Variants in CACNB2 observed in about 807,000 individuals in gnomAD.
CACNB2 encodes the protein voltage-dependent L-type calcium channel subunit beta-2.
Under a neutral mutation model 73.3 loss-of-function variants are expected in CACNB2, and 42 were observed. The observed-to-expected ratio is 0.57, with a 90% CI of 0.45 to 0.74. The LOEUF (loss-of-function observed/expected upper bound fraction) is 0.74. Ranked by LOEUF, CACNB2 falls within the 30% of genes least tolerant of loss-of-function variation. The probability of loss-of-function intolerance (pLI) is 0.00; values close to 1 mark genes in which losing one functional copy is unlikely to be tolerated. For synonymous variants in CACNB2, 348 were observed against 310.3 expected, an observed-to-expected ratio of 1.12 and a Z score of -1.28; for missense variants, 940 against 853.0, an observed-to-expected ratio of 1.10 and a Z score of -1.27.
Position 18,514,091 on chromosome 10 carries a change from T to G in CACNB2, c.671-145T>G, listed in dbSNP as rs1038990270. 6 of 726,730 alleles carry G rather than the reference T, an allele frequency of 8.3e-6. No individual in the cohort carries two copies. The African/African-American group carries it at 1.7e-4, about 21-fold the overall frequency. 45.0% of individuals were successfully genotyped at this position (726,730 alleles called of 1,614,324 possible). A position where few individuals can be genotyped will look rare whatever the true frequency, so the allele number is the denominator to read the frequency against. On this transcript the variant is annotated intron_variant, in intron 6 of 13. Transcript: ENST00000324631. Reference sequence around the variant, plus strand: ...CCTTGCATTCTTAATGTGCCTTACCTTTAAATTTAATTTTCTTGCGTACTG... The same window carrying G: ...CCTTGCATTCTTAATGTGCCTTACCGTTAAATTTAATTTTCTTGCGTACTG...
At chr10:18,461,261 A>G (rs1025546863) in intron 3 of CACNB2, among the ~76,000 whole-genome samples, 9 of 152,154 alleles carry the variant, frequency 5.9e-5, no homozygotes, top group African/African-American at 1.9e-4. Flanking sequence ...ATTACACACA[A>G]TTCTTTCGAT....
chr10:18,305,426 T>G, intron 2 of CACNB2, among the ~76,000 whole-genome samples: 1 of 152,188 alleles, frequency 6.6e-6, no homozygotes, highest in Non-Finnish European at 1.5e-5. Flanking sequence ...GAGATTTGGC[T>G]AAGTATGACA....
At chr10:18,432,027 A>G (rs1478756900) in intron 3 of CACNB2, among the ~76,000 whole-genome samples, 2 of 152,122 alleles carry the variant, frequency 1.3e-5, no homozygotes, top group South Asian at 2.1e-4. Context: ...TCTCCCAAAG[A>G]GCTGGGATTA....
At chr10:18,157,594 C>G (rs1564302740) in intron 2 of CACNB2, among the ~76,000 whole-genome samples, 1 of 152,178 alleles carries the variant, frequency 6.6e-6, no homozygotes, top group Non-Finnish European at 1.5e-5. Flanking sequence ...TAAGTTCTGT[C>G]TCCCCGTTTC....
chr10:18,367,533 C>T (rs530190231), intron 2 of CACNB2, among the ~76,000 whole-genome samples: 2 of 152,138 alleles, frequency 1.3e-5, no homozygotes, highest in African/African-American at 4.8e-5. Context: ...TTTGTAAATA[C>T]TTAGTAAACT....
chr10:18,360,581 A>T (rs1280580354), intron 2 of CACNB2, among the ~76,000 whole-genome samples: 2 of 152,146 alleles, frequency 1.3e-5, no homozygotes, highest in African/African-American at 2.4e-5. Context: ...CTTATCACTC[A>T]CAAGAGTCCT....
At chr10:18,200,786 C>T (rs1313840909) in intron 2 of CACNB2, among the ~76,000 whole-genome samples, 1 of 152,170 alleles carries the variant, frequency 6.6e-6, no homozygotes, top group African/African-American at 2.4e-5. Context: ...CACTTGCCCC[C>T]ATTTCTTAAG....
chr10:18,345,815 C>T (rs1046220982), intron 2 of CACNB2, among the ~76,000 whole-genome samples: 1 of 152,170 alleles, frequency 6.6e-6, no homozygotes, highest in Admixed American at 6.5e-5. Flanking sequence ...ACCTCAGTTT[C>T]GGAATGTGGA....
chr10:18,314,271 A>T (rs2040070539), intron 2 of CACNB2, among the ~76,000 whole-genome samples: 1 of 152,236 alleles, frequency 6.6e-6, no homozygotes, highest in Admixed American at 6.5e-5. Flanking sequence ...CTGTATAATT[A>T]ATCCACCTAT....
At chr10:18,286,517 CAAAAAAAAAAAAAAAAAAAAAAAAA>C (rs770589594) in intron 2 of CACNB2, among the ~76,000 whole-genome samples, 25 of 57,358 alleles carry the variant, frequency 4.4e-4, no homozygotes, top group African/African-American at 1.4e-3. Context: ...GATTCTGTCT[CAAAAAAAAAAAAAAAAAAAAAAAAA>C]AAAAAAAAAG....
At position 18,251,992 on chromosome 10, in the gene CACNB2, T is replaced by C. The variant is rs148299635; in HGVS notation, c.213+101017T>C. ...CCAGGGATAAAGAGTAATAGTCTTC[T>C]TCATAATTGATATGAGGATTAAAGG... On this transcript the variant is annotated intron_variant, in intron 2 of 13. Coordinates refer to ENST00000324631, the MANE Select transcript of CACNB2 (RefSeq NM_201596.3). 1.8e-3 allele frequency among the ~76,000 whole-genome samples: 279 copies of C among 152,332 alleles called. 4 individuals are homozygous for C. The highest frequency in any genetic ancestry group is 0.01 in the Middle Eastern group (3 of 294).
At position 18,366,275 on chromosome 10, in the gene CACNB2, C is replaced by T. The variant is rs554746894; in HGVS notation, c.214-35649C>T. On this transcript the variant is annotated intron_variant, in intron 2 of 13. Coordinates refer to ENST00000324631, the MANE Select transcript of CACNB2 (RefSeq NM_201596.3). Reference sequence around the variant, plus strand: ...GGTCAGGAATTCGAGACCATCCTGGCTAACACGGTGAAACCCCGTCTCTAC... The same window carrying T: ...GGTCAGGAATTCGAGACCATCCTGGTTAACACGGTGAAACCCCGTCTCTAC... Among the ~76,000 whole-genome samples, 11 of 151,408 alleles carry T rather than the reference C, an allele frequency of 7.3e-5. No individual in the cohort carries two copies. In the South Asian group the frequency reaches 1.5e-3, roughly 20 times the overall value.
intron 2 of CACNB2, among the ~76,000 whole-genome samples, chr10:18,222,210 T>C (rs1386580347): frequency 6.6e-6 from 1 of 152,188 alleles, no homozygotes; most frequent in Non-Finnish European, 1.5e-5. Context: ...AATGACCACA[T>C]GCCGAGGCAG....
At chr10:18,457,412 C>A (rs1218140065) in intron 3 of CACNB2, among the ~76,000 whole-genome samples, 2 of 152,102 alleles carry the variant, frequency 1.3e-5, no homozygotes, top group East Asian at 3.9e-4. Flanking sequence ...TTGAAATAAA[C>A]TCTATTAATT....
chr10:18,466,540 G>A (rs552674969), intron 3 of CACNB2, among the ~76,000 whole-genome samples: 1 of 152,216 alleles, frequency 6.6e-6, no homozygotes, highest in East Asian at 1.9e-4. Flanking sequence ...GGTCATGGTT[G>A]TTAATTTTTG....
At chr10:18,151,220 C>T (rs994273051) in intron 2 of CACNB2, 2 of 391,658 alleles carry the variant, frequency 5.1e-6, no homozygotes, top group Non-Finnish European at 4.5e-6. Flanking sequence ...CAGAGGATTT[C>T]TTTGAAACAG....
chr10:18,150,239 C>A (rs1389211378), intron 1 of CACNB2, among the ~76,000 whole-genome samples: 5 of 152,194 alleles, frequency 3.3e-5, no homozygotes, highest in Non-Finnish European at 7.3e-5. Flanking sequence ...ATCATCTTAC[C>A]TTTAACTTCC....
At chr10:18,399,390 G>C (rs954101185) in intron 2 of CACNB2, among the ~76,000 whole-genome samples, 1 of 152,140 alleles carries the variant, frequency 6.6e-6, no homozygotes, top group Non-Finnish European at 1.5e-5. Flanking sequence ...AACAATAGGT[G>C]ATCTATTAAT....
rs146917221 is a variant in CACNB2, at chr10:18,512,689, G to C, written c.671-1547G>C. Among the ~76,000 whole-genome samples, 51 of 152,252 alleles carry C rather than the reference G, an allele frequency of 3.3e-4. No individual in the cohort carries two copies. The East Asian group carries it at 9.6e-3, about 29-fold the overall frequency. ...ACACATTTTTGCCAAGGAGAAATAAGTGTGTTTATTCCTGTAGCATAAAAC... is the reference window on the plus strand; with the variant it reads ...ACACATTTTTGCCAAGGAGAAATAACTGTGTTTATTCCTGTAGCATAAAAC... On this transcript the variant is annotated intron_variant, in intron 6 of 13. Transcript: ENST00000324631.
Sources: allele counts gnomAD v4.1 joint callset (sites outside exome capture counted in the v4.1 genomes callset), GRCh38; gene constraint gnomAD v4.1.1; transcripts MANE v1.5; gene names NCBI Gene and HGNC (gene_info 2026-07-23, HGNC 2026-07-21).